ZNF254: variants seen among roughly 807,000 people sequenced by gnomAD.
The protein encoded by ZNF254 is CTD-2017D11.1.
ZNF254 carries 10 observed loss-of-function variants against 12.4 expected under a neutral mutation model. The observed-to-expected ratio is 0.80, with a 90% CI of 0.50 to 1.36. The LOEUF (loss-of-function observed/expected upper bound fraction) is 1.36, where lower values mean the gene tolerates loss of function less well. ZNF254 is among the 40% of genes most tolerant of loss of function. The pLI, the probability that ZNF254 is intolerant of heterozygous loss-of-function variation, is 0.00. For missense variants in ZNF254, 996 were observed against 763.9 expected, an observed-to-expected ratio of 1.30 and a Z score of -3.58; for synonymous variants, 305 against 253.4, an observed-to-expected ratio of 1.20 and a Z score of -1.93.
intron 2 of ZNF254, among the ~76,000 whole-genome samples, chr19:24,048,322 C>T (rs560373969): frequency 9.5e-4 from 144 of 152,296 alleles, no homozygotes; most frequent in African/African-American, 3.3e-3. Flanking sequence ...GGGACAGCTT[C>T]AGGCCGCAAG....
At chr19:24,063,532 CAT>C (rs1971154743) in intron 2 of ZNF254, among the ~76,000 whole-genome samples, 1 of 152,152 alleles carries the variant, frequency 6.6e-6, no homozygotes, top group Admixed American at 6.6e-5. Flanking sequence ...GCCCTAAACA[CAT>C]AGCCTGAGTC....
At chr19:24,087,415 C>G in intron 1 of ZNF254, 78 bp downstream of exon 1, 7 of 1,581,992 alleles carry the variant, frequency 4.4e-6, no homozygotes, top group Admixed American at 1.7e-5. Context: ...TGGCGGGACT[C>G]AGGCCTCCCC....
intron 2 of ZNF254, among the ~76,000 whole-genome samples, chr19:24,061,909 C>T (rs112997094): frequency 0.15 from 22,493 of 151,810 alleles, 1,925 homozygotes; most frequent in Middle Eastern, 0.22. Context: ...CATGGAAAAA[C>T]CCTGTCTCTA....
At chr19:24,115,483 A>G (rs977103867) in intron 3 of ZNF254, among the ~76,000 whole-genome samples, 43 of 148,484 alleles carry the variant, frequency 2.9e-4, no homozygotes, top group African/African-American at 1.1e-3. Flanking sequence ...ATGAGAACAC[A>G]TGGACACAGG....
chr19:24,084,159 T>A (rs1971944936), upstream of ZNF254, among the ~76,000 whole-genome samples: 2 of 147,794 alleles, frequency 1.4e-5, no homozygotes, highest in South Asian at 2.1e-4. Flanking sequence ...ATATATATAA[T>A]ATATATAAAT....
intron 2 of ZNF254, among the ~76,000 whole-genome samples, chr19:24,073,341 C>T (rs1270434344): frequency 6.6e-6 from 1 of 152,204 alleles, no homozygotes; most frequent in Non-Finnish European, 1.5e-5. Context: ...GGTGAAGAGT[C>T]TCTTCTTGGG....
intron 1 of ZNF254, among the ~76,000 whole-genome samples, chr19:24,043,109 G>T (rs1970239848): frequency 6.6e-6 from 1 of 151,926 alleles, no homozygotes; most frequent in African/African-American, 2.4e-5. Flanking sequence ...TTCTAAAAAA[G>T]GTATCAGTTT....
At chr19:24,089,291 G>A (rs900874611) in intron 1 of ZNF254, among the ~76,000 whole-genome samples, 1 of 152,060 alleles carries the variant, frequency 6.6e-6, no homozygotes, top group Admixed American at 6.5e-5. Flanking sequence ...ATCATTTTTT[G>A]ACAAAGCATT....
intron 1 of ZNF254, among the ~76,000 whole-genome samples, chr19:24,089,662 G>T (rs771442888): frequency 1.3e-5 from 2 of 151,974 alleles, no homozygotes; most frequent in Non-Finnish European, 2.9e-5. Flanking sequence ...TCCCAAGTGC[G>T]CAGGTGGATG....
intron 1 of ZNF254, among the ~76,000 whole-genome samples, chr19:24,036,163 A>G (rs983322067): frequency 5.3e-5 from 8 of 151,762 alleles, no homozygotes; most frequent in Non-Finnish European, 1.0e-4. Context: ...CTGGGTTCAC[A>G]CCTTTCTCCT....
At chr19:24,043,611 T>A (rs1361881026) in intron 1 of ZNF254, among the ~76,000 whole-genome samples, 1 of 152,156 alleles carries the variant, frequency 6.6e-6, no homozygotes, top group African/African-American at 2.4e-5. Flanking sequence ...TAGCTCTTAA[T>A]TTAGTTTATA....
chr19:24,054,358 A>G (rs1304368846), intron 2 of ZNF254, among the ~76,000 whole-genome samples: 1 of 152,226 alleles, frequency 6.6e-6, no homozygotes, highest in Non-Finnish European at 1.5e-5. Context: ...TAGTCAGCTT[A>G]TAAGTGGAAT....
chr19:24,096,158 C>G (rs1299846901), intron 1 of ZNF254, among the ~76,000 whole-genome samples: 1 of 150,786 alleles, frequency 6.6e-6, no homozygotes, highest in East Asian at 2.0e-4. Context: ...CTCTTGGGTT[C>G]AAGCATTCTC....
rs970432750 is a variant in ZNF254, at chr19:24,090,050, A to G, written c.30+2713A>G. 6.7e-4 allele frequency among the ~76,000 whole-genome samples: 101 copies of G among 151,398 alleles called. 5 individuals carry two copies. Among genetic ancestry groups the G allele is most frequent in the Middle Eastern group, 3.4e-3 (1 of 294 alleles). On this transcript the variant is annotated intron_variant, in intron 1 of 3. Coordinates refer to ENST00000357002, the MANE Select transcript of ZNF254 (RefSeq NM_203282.4). ...TAAAAATACGAAAAAAAAAAAAAAAAAGCTGGGTGTAGTGGTACAGGCCTG... is the reference window on the plus strand; with the variant it reads ...TAAAAATACGAAAAAAAAAAAAAAAGAGCTGGGTGTAGTGGTACAGGCCTG...
intron 2 of ZNF254, among the ~76,000 whole-genome samples, chr19:24,072,954 T>A (rs1467479652): frequency 6.6e-6 from 1 of 152,206 alleles, no homozygotes; most frequent in Admixed American, 6.5e-5. Context: ...AAGCTCACAG[T>A]TGTGGTGATG....
intron 2 of ZNF254, among the ~76,000 whole-genome samples, chr19:24,056,923 T>A (rs905437971): frequency 6.6e-6 from 1 of 152,142 alleles, no homozygotes; most frequent in African/African-American, 2.4e-5. Context: ...CCAGATGATA[T>A]AAGTCTCCTG....
chr19:24,104,678 A>G (rs1324806283), intron 1 of ZNF254: 3 of 152,158 alleles, frequency 2.0e-5, no homozygotes, highest in Non-Finnish European at 4.4e-5. Flanking sequence ...GATTCTCACC[A>G]TGAATTTGTG....
intron 1 of ZNF254, chr19:24,098,963 CT>C (rs1972829938): frequency 1.5e-5 from 2 of 130,370 alleles, no homozygotes; most frequent in South Asian, 5.3e-4. Flanking sequence ...CCTGCAGGCT[CT>C]TCTTCTGCAG....
upstream of ZNF254, chr19:24,087,161 C>G: frequency 9.5e-7 from 1 of 1,048,974 alleles, no homozygotes; most frequent in Non-Finnish European, 1.4e-6. Context: ...CTGGACTGGA[C>G]AAAGCGGCTT....
Sources: gnomAD v4.1 joint callset for allele counts (sites outside exome capture counted in the v4.1 genomes callset) on GRCh38, gnomAD v4.1.1 for gene constraint, MANE v1.5 for transcripts, NCBI Gene and HGNC (gene_info 2026-07-23, HGNC 2026-07-21) for gene names.